The following HNRNPAB variants were observed in gnomAD, a reference collection of about 807,000 sequenced individuals.
HNRNPAB encodes heterogeneous nuclear ribonucleoprotein A/B.
Under a neutral mutation model 44.1 loss-of-function variants are expected in HNRNPAB, and 17 were observed. The ratio of observed to expected loss-of-function variants is 0.39; its 90% confidence interval spans 0.26 to 0.58. The LOEUF is 0.58. Ranked by LOEUF, HNRNPAB falls within the 20% of genes least tolerant of loss-of-function variation. The pLI is 0.63. For missense variants in HNRNPAB, 393 were observed against 432.7 expected (o/e 0.91, Z 0.81); for synonymous variants, 183 against 167.6 (o/e 1.09, Z -0.71).
chr5:178,206,064 G>C, intron 3 of HNRNPAB, 54 bp downstream of exon 3: 1 of 1,509,740 alleles, frequency 6.6e-7, no homozygotes, highest in Non-Finnish European at 9.1e-7. Flanking sequence ...TGAATTCTAA[G>C]AGGACACCTT....
At chr5:178,205,807 G>T in intron 2 of HNRNPAB, 35 bp from the exon 3 acceptor site, 2 of 1,597,864 alleles carry the variant, frequency 1.3e-6, no homozygotes, top group South Asian at 2.3e-5. Context: ...TTGCTTACAA[G>T]ACTTGTTGCC....
chr5:178,210,684 C>G lies in HNRNPAB; in HGVS notation c.*61C>G. The G allele has an allele frequency of 7.8e-7, 1 of 1,289,812 alleles. No homozygotes were observed. Among genetic ancestry groups the G allele is most frequent in the Non-Finnish European group, 1.1e-6 (1 of 886,984 alleles). 79.9% of individuals were successfully genotyped at this position (1,289,812 alleles called of 1,614,324 possible). ...GCTTTGTTTGGATATGGAGTGAACA[C>G]AATTATGTACCAAATTTAACTTGGC... is the stretch of plus-strand genomic sequence containing the variant. On this transcript the variant is annotated 3_prime_UTR_variant, in exon 8 of 8. Transcript: ENST00000358344.
chr5:178,205,257 C>T (rs1368182549), intron 2 of HNRNPAB, among the ~76,000 whole-genome samples: 5 of 150,996 alleles, frequency 3.3e-5, no homozygotes, highest in African/African-American at 7.3e-5. Context: ...TGGCGCCGCC[C>T]CGGGGCCGCT....
intron 2 of HNRNPAB, chr5:178,205,583 G>C: frequency 2.4e-6 from 1 of 416,220 alleles, no homozygotes. Context: ...GTTATGAGTG[G>C]TTAGGTCCCA....
chr5:178,206,587 A>AT, intron 3 of HNRNPAB, 145 bp from the exon 4 acceptor site: 1 of 771,840 alleles, frequency 1.3e-6, no homozygotes, highest in South Asian at 1.7e-5. Flanking sequence ...TTTGATGAAA[A>AT]TTGGGTTGGG....
At position 178,210,779 on chromosome 5, in the gene HNRNPAB, ACTAT is replaced by A; in HGVS notation, c.*157_*160del. ...CCCCATGGAAATCACTCTCCTGTTG[ACTAT>A]TTCCAGAGCTCTAGGTGTTTAGGCA... is the stretch of plus-strand genomic sequence containing the variant. On this transcript the variant is annotated 3_prime_UTR_variant, in exon 8 of 8. Transcript: ENST00000358344. 1.5e-6 allele frequency: 1 copy of A among 663,216 alleles called. No individual in the cohort carries two copies. Among genetic ancestry groups the A allele is most frequent in the South Asian group, 1.7e-5 (1 of 57,622 alleles). The allele number at this position is 663,216 out of a possible 1,614,324, so 41.1% of individuals were successfully genotyped here.
Position 178,204,752 on chromosome 5 carries a change from C to T in HNRNPAB, c.-24+12C>T. The T allele has an allele frequency of 1.1e-6, 1 of 875,966 alleles. No homozygotes were observed. The highest frequency in any genetic ancestry group is 1.5e-6 in the Non-Finnish European group (1 of 676,852). 54.3% of individuals were successfully genotyped at this position (875,966 alleles called of 1,614,324 possible). A position where few individuals can be genotyped will look rare whatever the true frequency, so the allele number is the denominator to read the frequency against. On this transcript the variant is annotated intron_variant, in intron 1 of 7. Coordinates refer to ENST00000358344, the MANE Select transcript of HNRNPAB (RefSeq NM_031266.3). ...TCATCGGCGGCGAGGTGAGCGGCGG[C>T]CGGCGGGCGGGAGCTCTGGCGGGAG... is the stretch of plus-strand genomic sequence containing the variant.
At chr5:178,205,069 G>A (rs1479903998) in intron 2 of HNRNPAB, 23 bp downstream of exon 2, 3 of 1,196,970 alleles carry the variant, frequency 2.5e-6, no homozygotes, top group East Asian at 3.4e-5. Context: ...GCGGGCGGAC[G>A]GGGGCGCCGC....
In HNRNPAB at chr5:178,205,032, CGAG is replaced by C; in HGVS notation, c.201_203del (p.Glu67del). On this transcript the variant is annotated inframe_deletion, in exon 2 of 8. Coordinates refer to ENST00000358344, the MANE Select transcript of HNRNPAB (RefSeq NM_031266.3). ...GCGACCAGATCAACGCCAGCAAGAA[CGAG>C]GAGGACGCGGGGTAGGTGCGGCCGC... 8.3e-7 allele frequency: 1 copy of C among 1,207,304 alleles called. No homozygotes were observed. Among genetic ancestry groups the C allele is most frequent in the Non-Finnish European group, 1.0e-6 (1 of 972,170 alleles). 74.8% of individuals were successfully genotyped at this position (1,207,304 alleles called of 1,614,324 possible).
chr5:178,209,293 G>A (rs367966177), intron 5 of HNRNPAB, 37 bp from the exon 6 acceptor site: 2 of 1,552,776 alleles, frequency 1.3e-6, no homozygotes, highest in Non-Finnish European at 1.8e-6. Flanking sequence ...CCCTGAGTTT[G>A]TCCTACTGGC....
At chr5:178,208,406 T>A (rs1757210121) in intron 5 of HNRNPAB, 1 of 152,202 alleles carries the variant, frequency 6.6e-6, no homozygotes, top group Non-Finnish European at 1.5e-5. Context: ...TTTTTCTCTA[T>A]GTGCCATAAT....
intron 5 of HNRNPAB, among the ~76,000 whole-genome samples, chr5:178,208,015 A>T (rs541621207): frequency 1.3e-5 from 2 of 152,292 alleles, no homozygotes; most frequent in Admixed American, 1.3e-4. Flanking sequence ...AACCCAGGCA[A>T]AAATCCTTCC....
In HNRNPAB at chr5:178,205,732, ACT is replaced by A. The variant is rs1240916409; in HGVS notation, c.210-107_210-106del. ...CATCTTTCTAAGGTGCTCCTTGCAG[ACT>A]CTAAGGGTAGCTGTAGACTTCGTGA... On this transcript the variant is annotated intron_variant, in intron 2 of 7. Coordinates refer to ENST00000358344, the MANE Select transcript of HNRNPAB (RefSeq NM_031266.3). The A allele has an allele frequency of 7.2e-6, 7 of 969,608 alleles. No homozygotes were observed. In the African/African-American group the frequency reaches 1.0e-4, roughly 14 times the overall value. The allele number at this position is 969,608 out of a possible 1,614,324, so 60.1% of individuals were successfully genotyped here. A position where few individuals can be genotyped will look rare whatever the true frequency, so the allele number is the denominator to read the frequency against.
intron 7 of HNRNPAB, 31 bp from the exon 8 acceptor site, chr5:178,210,522 T>C (rs745307876): frequency 2.5e-6 from 4 of 1,606,046 alleles, no homozygotes; most frequent in Non-Finnish European, 3.4e-6. Context: ...TGCTTGTAAA[T>C]AGTAGCTGCT....
At chr5:178,208,189 G>C (rs1757184737) in intron 5 of HNRNPAB, among the ~76,000 whole-genome samples, 1 of 152,212 alleles carries the variant, frequency 6.6e-6, no homozygotes, top group Admixed American at 6.5e-5. Flanking sequence ...GGTGCGGCCT[G>C]CAGTGGCAGG....
intron 5 of HNRNPAB, 54 bp from the exon 6 acceptor site, chr5:178,209,276 G>GTCAC (rs1409655215): frequency 8.6e-6 from 12 of 1,401,032 alleles, no homozygotes; most frequent in Non-Finnish European, 1.1e-5. Flanking sequence ...TGTTTGGGCA[G>GTCAC]TCACTGCCCT....
rs147700303 is a variant in HNRNPAB at position 178,208,273 on chromosome 5, C to G, written c.669+1048C>G. ...GGACAGGTGGAACTCCTGGAAGTCT[C>G]TATCCTGGCTGGGAGTTTGGAAAGA... On this transcript the variant is annotated intron_variant, in intron 5 of 7. Coordinates refer to ENST00000358344, the MANE Select transcript of HNRNPAB (RefSeq NM_031266.3). Among the ~76,000 whole-genome samples the G allele has an allele frequency of 2.6e-3, 394 of 152,318 alleles. 1 individual carries two copies. The highest frequency in any genetic ancestry group is 9.0e-3 in the African/African-American group (375 of 41,564).
At chr5:178,205,818 G>T in intron 2 of HNRNPAB, 24 bp from the exon 3 acceptor site, 2 of 1,604,162 alleles carry the variant, frequency 1.2e-6, no homozygotes, top group East Asian at 4.5e-5. Context: ...ACTTGTTGCC[G>T]TGTGTCTCAC....
In HNRNPAB at chr5:178,205,065, G is replaced by T; in HGVS notation, c.209+19G>T. On this transcript the variant is annotated intron_variant, in intron 2 of 7. Transcript: ENST00000358344. ...ACGCGGGGTAGGTGCGGCCGCGGGCGGACGGGGGCGCCGCCTTTGTTCCGG... is the reference window on the plus strand; with the variant it reads ...ACGCGGGGTAGGTGCGGCCGCGGGCTGACGGGGGCGCCGCCTTTGTTCCGG... 8.3e-7 allele frequency: 1 copy of T among 1,201,750 alleles called. No homozygotes were observed. The highest frequency in any genetic ancestry group is 4.1e-5 in the South Asian group (1 of 24,114). The allele number at this position is 1,201,750 out of a possible 1,614,324, so 74.4% of individuals were successfully genotyped here.
Sources: gnomAD v4.1 joint callset for allele counts (sites outside exome capture counted in the v4.1 genomes callset) on GRCh38, gnomAD v4.1.1 for gene constraint, MANE v1.5 for transcripts, NCBI Gene and HGNC (gene_info 2026-07-23, HGNC 2026-07-21) for gene names.